The following LMO2 variants were observed in gnomAD, a reference collection of about 807,000 sequenced individuals.
The protein encoded by LMO2 is LIM domain only 2.
Under a neutral mutation model 23.2 loss-of-function variants are expected in LMO2, and 20 were observed. That is an observed-to-expected ratio of 0.86 (90% CI 0.61 to 1.25). The LOEUF (loss-of-function observed/expected upper bound fraction) is 1.25. LMO2 is among the 50% of genes most tolerant of loss of function. The pLI, the probability that LMO2 is intolerant of heterozygous loss-of-function variation, is 0.00. For synonymous variants in LMO2, 123 were observed against 130.2 expected, an observed-to-expected ratio of 0.94 and a Z score of 0.38; for missense variants, 270 against 315.3, an observed-to-expected ratio of 0.86 and a Z score of 1.09.
chr11:33,861,167 C>A (rs1377576944), intron 5 of LMO2, among the ~76,000 whole-genome samples: 1 of 152,246 alleles, frequency 6.6e-6, no homozygotes, highest in African/African-American at 2.4e-5. Context: ...GTATTCCCAG[C>A]TGTGCCAGTC....
intron 2 of LMO2, among the ~76,000 whole-genome samples, chr11:33,873,830 T>C (rs541556644): frequency 6.6e-6 from 1 of 152,236 alleles, no homozygotes; most frequent in Non-Finnish European, 1.5e-5. Flanking sequence ...TTCTATCCTT[T>C]TTGCTTATTA....
chr11:33,863,445 T>C (rs1359814259), intron 5 of LMO2, among the ~76,000 whole-genome samples: 1 of 152,194 alleles, frequency 6.6e-6, no homozygotes, highest in Non-Finnish European at 1.5e-5. Context: ...TAAAATGCTC[T>C]GAGGGCAGGT....
intron 1 of LMO2, among the ~76,000 whole-genome samples, chr11:33,883,611 A>G (rs563679708): frequency 2.0e-5 from 3 of 152,342 alleles, no homozygotes; most frequent in South Asian, 4.1e-4. Flanking sequence ...GGACATCAGC[A>G]TGGAAGGCTT....
At chr11:33,860,311 A>T (rs1279051695) in intron 5 of LMO2, among the ~76,000 whole-genome samples, 1 of 152,148 alleles carries the variant, frequency 6.6e-6, no homozygotes, top group Non-Finnish European at 1.5e-5. Flanking sequence ...CTGACATTTA[A>T]ATCAAGACTC....
chr11:33,864,189 C>T lies in LMO2; in HGVS notation c.464+413G>A, dbSNP rs973283331. 1.3e-5 allele frequency among the ~76,000 whole-genome samples: 2 copies of T among 152,246 alleles called. No homozygotes were observed. Among genetic ancestry groups the T allele is most frequent in the Admixed American group, 1.3e-4 (2 of 15,298 alleles). On this transcript the variant is annotated intron_variant, in intron 5 of 5. Coordinates refer to ENST00000257818, the MANE Select transcript of LMO2 (RefSeq NM_005574.4). This position sits in a 1 kb window ranked among gnomAD's most constrained non-coding sequence, Gnocchi z 4.8. ...TCATACAAAAAAAATTTATAACATA[C>T]ATATATGTTCTGAAGCATTCAAATG...
intron 1 of LMO2, among the ~76,000 whole-genome samples, chr11:33,889,937 A>G (rs1857503580): frequency 6.6e-6 from 1 of 152,200 alleles, no homozygotes; most frequent in Non-Finnish European, 1.5e-5. Context: ...TGGTGTATAT[A>G]TATGCAATGG....
At chr11:33,889,492 A>G (rs1025340983) in intron 1 of LMO2, among the ~76,000 whole-genome samples, 3 of 152,210 alleles carry the variant, frequency 2.0e-5, no homozygotes, top group Admixed American at 6.5e-5. Flanking sequence ...ACAAGGGTCC[A>G]TTCTCAGAAG....
intron 2 of LMO2, among the ~76,000 whole-genome samples, chr11:33,879,696 CT>C (rs768976891): frequency 1.2e-3 from 190 of 152,060 alleles, no homozygotes; most frequent in Non-Finnish European, 1.9e-3. Flanking sequence ...GGGCAAAGAA[CT>C]TGAATCTCCA....
Position 33,869,481 on chromosome 11 carries a change from GCGCCGCCGCCGCCGC to G in LMO2, c.98_112del (p.Gly33_Gly37del), listed in dbSNP as rs780680772. On this transcript the variant is annotated inframe_deletion, in exon 4 of 6. Transcript: ENST00000257818. ...GGCTCGGACCCCCTCGGGTGCTCGG[GCGCCGCCGCCGCCGC>G]CGCCGTCGCCGCCGCTCCTGCGCCT... The G allele has an allele frequency of 9.9e-6, 12 of 1,206,490 alleles. No homozygotes were observed. The highest frequency in any genetic ancestry group is 6.5e-5 in the African/African-American group (4 of 61,684). 74.7% of individuals were successfully genotyped at this position (1,206,490 alleles called of 1,614,324 possible).
In LMO2 at chr11:33,864,759, G is replaced by GGCA; in HGVS notation, c.304_306dup (p.Cys102dup). The GGCA allele has an allele frequency of 2.5e-6, 4 of 1,613,964 alleles. No homozygotes were observed. The highest frequency in any genetic ancestry group is 3.4e-6 in the Non-Finnish European group (4 of 1,180,038). ...AAGTAGCGGTCCCCAATGTTCTGCTGGCAGCCGCCGCATGTCAGCAGGGAT... is the reference window on the plus strand; with the variant it reads ...AAGTAGCGGTCCCCAATGTTCTGCTGGCAGCAGCCGCCGCATGTCAGCAGGGAT... On this transcript the variant is annotated inframe_insertion, in exon 5 of 6. Transcript: ENST00000257818. The surrounding 1 kb of genome is among the most constrained non-coding windows in gnomAD (Gnocchi z 4.8).
intron 5 of LMO2, among the ~76,000 whole-genome samples, chr11:33,863,675 C>T (rs531280153): frequency 1.3e-5 from 2 of 152,324 alleles, no homozygotes; most frequent in East Asian, 1.9e-4. Context: ...AACACTAGTA[C>T]ATTCTAGGCA....
At chr11:33,869,146 C>G (rs1298406847) in intron 4 of LMO2, among the ~76,000 whole-genome samples, 200 bp downstream of exon 4, 4 of 152,148 alleles carry the variant, frequency 2.6e-5, no homozygotes, top group Non-Finnish European at 5.9e-5. Flanking sequence ...CTGTCCCTGC[C>G]GCCCGCCGCC....
chr11:33,867,848 A>G (rs1242997881), intron 4 of LMO2, among the ~76,000 whole-genome samples: 1 of 152,242 alleles, frequency 6.6e-6, no homozygotes, highest in African/African-American at 2.4e-5. Flanking sequence ...ATTAGTGACT[A>G]AATTCTGCTG....
At chr11:33,870,090 A>C (rs1365648213) in intron 2 of LMO2, 103 bp from the exon 3 acceptor site, 3 of 248,650 alleles carry the variant, frequency 1.2e-5, no homozygotes, top group African/African-American at 3.0e-5. Flanking sequence ...TTTTTTTTTT[A>C]AACGGGGCTC....
rs762865453 is a variant in LMO2 at position 33,864,854 on chromosome 11, A to C, written c.249-37T>G. 1.9e-6 allele frequency: 3 copies of C among 1,589,214 alleles called. No individual in the cohort carries two copies. Among genetic ancestry groups the C allele is most frequent in the Non-Finnish European group, 2.6e-6 (3 of 1,160,572 alleles). ...GCCAAGCATCAGGGACAGCCTCACC[A>C]GAGTGAGACCAGCACCGAGGGTCCG... On this transcript the variant is annotated intron_variant, in intron 4 of 5. Transcript: ENST00000257818. The surrounding 1 kb of genome is among the most constrained non-coding windows in gnomAD (Gnocchi z 4.8).
chr11:33,869,655 G>T, intron 3 of LMO2, 55 bp downstream of exon 3: 1 of 1,260,598 alleles, frequency 7.9e-7, no homozygotes, highest in African/African-American at 1.6e-5. Context: ...CGGGGGCCGG[G>T]GCGCGCAGCC....
chr11:33,861,031 T>G (rs530812292), intron 5 of LMO2, among the ~76,000 whole-genome samples: 1 of 152,180 alleles, frequency 6.6e-6, no homozygotes, highest in Non-Finnish European at 1.5e-5. Flanking sequence ...TCTCTGAGCC[T>G]CAGTGAAATG....
chr11:33,878,169 A>ATGCTTCCT (rs201430344), intron 2 of LMO2, among the ~76,000 whole-genome samples: 1 of 151,752 alleles, frequency 6.6e-6, no homozygotes, highest in Non-Finnish European at 1.5e-5. Flanking sequence ...CAAATTTCCC[A>ATGCTTCCT]TTAAAGGCAC....
At position 33,859,400 on chromosome 11, in the gene LMO2, C is replaced by T. The variant is rs374739443; in HGVS notation, c.640G>A (p.Glu214Lys). The T allele has an allele frequency of 1.9e-6, 3 of 1,613,980 alleles. No individual in the cohort carries two copies. The highest frequency in any genetic ancestry group is 1.7e-5 in the Admixed American group (1 of 60,000). ...TTAGTCCACTCGTAGATGTCCTGTT[C>T]GCACACTATGTCAGAGTTGATGAGG... ...YLLINSDIVC[E>K]QDIYEWTKIN... Residue 214 changes from glutamate to lysine, a missense_variant, in exon 6 of 6, where the codon GAA (glutamate) becomes AAA (lysine). Physicochemically the swap from Glu to Lys is moderately conservative, Grantham distance 56. This residue lies in a region of LMO2 where 100 missense variants were observed against 153.3 expected (regional missense o/e 0.65). Transcript: ENST00000257818.
Sources: allele counts gnomAD v4.1 joint callset (sites outside exome capture counted in the v4.1 genomes callset), GRCh38; gene constraint gnomAD v4.1.1; regional missense constraint gnomAD v4.1.1; non-coding constraint Gnocchi (gnomAD v3.1); transcripts MANE v1.5; gene names NCBI Gene and HGNC (gene_info 2026-07-23, HGNC 2026-07-21).